SGCZ: variants seen among roughly 807,000 people sequenced by gnomAD.
SGCZ encodes the protein zeta-sarcoglycan.
In SGCZ, 40 loss-of-function variants were observed where a neutral mutation model predicts 41.3. The observed-to-expected ratio is 0.97, with a 90% CI of 0.75 to 1.26. SGCZ has a LOEUF of 1.26. Among genes scored for constraint, SGCZ ranks in the 50% most tolerant of loss-of-function variants. The pLI is 0.00. For missense variants in SGCZ, 552 were observed against 369.8 expected, an observed-to-expected ratio of 1.49 and a Z score of -4.04; for synonymous variants, 206 against 137.5, an observed-to-expected ratio of 1.50 and a Z score of -3.49.
At chr8:14,169,474 C>T (rs1273813949) in intron 4 of SGCZ, among the ~76,000 whole-genome samples, 1 of 151,996 alleles carries the variant, frequency 6.6e-6, no homozygotes, top group African/African-American at 2.4e-5. Context: ...GATTTTTTAC[C>T]TTACTTGATC....
intron 1 of SGCZ, among the ~76,000 whole-genome samples, chr8:14,833,263 A>T (rs1036912258): frequency 1.3e-5 from 2 of 152,192 alleles, no homozygotes; most frequent in Non-Finnish European, 2.9e-5. Flanking sequence ...CAGAGATGAC[A>T]AATTCAAGCA....
At chr8:14,122,791 A>G (rs1027653260) in intron 5 of SGCZ, among the ~76,000 whole-genome samples, 1 of 151,426 alleles carries the variant, frequency 6.6e-6, no homozygotes, top group African/African-American at 2.4e-5. Context: ...TAGAAACTCA[A>G]ATATACTGTT....
intron 1 of SGCZ, among the ~76,000 whole-genome samples, chr8:14,556,661 T>C (rs976559477): frequency 1.3e-5 from 2 of 152,074 alleles, no homozygotes; most frequent in African/African-American, 4.8e-5. Context: ...ACAGCTTAGC[T>C]CCCACTTATG....
At chr8:14,861,629 A>T (rs1358931422) in intron 1 of SGCZ, among the ~76,000 whole-genome samples, 1 of 152,108 alleles carries the variant, frequency 6.6e-6, no homozygotes. Context: ...CCTGAGAGAG[A>T]TTCCGTAAAA....
At chr8:14,736,751 T>C (rs1337805447) in intron 1 of SGCZ, among the ~76,000 whole-genome samples, 1 of 152,144 alleles carries the variant, frequency 6.6e-6, no homozygotes, top group Non-Finnish European at 1.5e-5. Context: ...CCTGAGTTAC[T>C]TCACCTAGAA....
intron 1 of SGCZ, among the ~76,000 whole-genome samples, chr8:14,757,293 T>C (rs985587810): frequency 6.6e-6 from 1 of 152,102 alleles, no homozygotes; most frequent in Non-Finnish European, 1.5e-5. Flanking sequence ...AGGTGATCCA[T>C]CCGCCTCAGC....
chr8:14,642,842 A>T lies in SGCZ; in HGVS notation c.40-87916T>A, dbSNP rs192414139. ...GAAACACAGCATGATTTCTCAATTT[A>T]AAAAAGTATTGGAAAGCATAGGGCA... On this transcript the variant is annotated intron_variant, in intron 1 of 7. Transcript: ENST00000382080. Among the ~76,000 whole-genome samples the T allele has an allele frequency of 6.2e-3, 947 of 151,662 alleles. 8 individuals are homozygous for T. Among genetic ancestry groups the T allele is most frequent in the African/African-American group, 0.022 (905 of 41,478 alleles).
intron 1 of SGCZ, among the ~76,000 whole-genome samples, chr8:14,689,215 T>C (rs1020974160): frequency 6.6e-6 from 1 of 152,122 alleles, no homozygotes; most frequent in African/African-American, 2.4e-5. Context: ...ATTTTAATTG[T>C]TTATTTTAAA....
Position 14,604,378 on chromosome 8 carries a change from C to T in SGCZ, c.40-49452G>A, listed in dbSNP as rs114665755. Among the ~76,000 whole-genome samples, 786 of 152,172 alleles carry T rather than the reference C, an allele frequency of 5.2e-3. 6 individuals are homozygous for T. The highest frequency in any genetic ancestry group is 0.018 in the African/African-American group (739 of 41,530). The stretch of plus-strand genomic sequence containing the variant: ...TGCCAAGATCAATTATTGATGTCTG[C>T]CATGGGCATATAGGAGAATGGGGTG... On this transcript the variant is annotated intron_variant, in intron 1 of 7. Transcript: ENST00000382080.
chr8:15,125,933 G>A (rs1807662175), intron 1 of SGCZ, among the ~76,000 whole-genome samples: 2 of 152,146 alleles, frequency 1.3e-5, no homozygotes, highest in African/African-American at 2.4e-5. Flanking sequence ...ATCACCTGAG[G>A]TCAGGAGTTT....
At chr8:14,385,859 A>G (rs555178664) in intron 2 of SGCZ, among the ~76,000 whole-genome samples, 1 of 152,276 alleles carries the variant, frequency 6.6e-6, no homozygotes, top group East Asian at 1.9e-4. Flanking sequence ...ATCCTCCAGA[A>G]TATCAAAATT....
At chr8:14,287,367 A>G (rs753152641) in intron 3 of SGCZ, among the ~76,000 whole-genome samples, 1 of 151,982 alleles carries the variant, frequency 6.6e-6, no homozygotes, top group Non-Finnish European at 1.5e-5. Flanking sequence ...ACAACCCTCT[A>G]TTTGACTTTG....
chr8:14,229,053 G>A (rs1806471341), intron 4 of SGCZ, among the ~76,000 whole-genome samples: 1 of 152,084 alleles, frequency 6.6e-6, no homozygotes, highest in Non-Finnish European at 1.5e-5. Flanking sequence ...GAAGGAGCAA[G>A]CCAGCAAAGG....
intron 1 of SGCZ, among the ~76,000 whole-genome samples, chr8:15,107,510 T>C (rs780991651): frequency 3.1e-4 from 47 of 152,164 alleles, no homozygotes; most frequent in Non-Finnish European, 1.0e-4. Context: ...AAAGGTCTCC[T>C]TGTCTCCGTA....
rs185612342 is a variant in SGCZ at position 14,454,772 on chromosome 8, C to T, written c.234+99960G>A. Among the ~76,000 whole-genome samples the T allele has an allele frequency of 1.9e-3, 287 of 152,228 alleles. 1 individual carries two copies. Among genetic ancestry groups the T allele is most frequent in the African/African-American group, 6.6e-3 (276 of 41,534 alleles). On this transcript the variant is annotated intron_variant, in intron 2 of 7. Coordinates refer to ENST00000382080, the MANE Select transcript of SGCZ (RefSeq NM_139167.4). ...ATAAAGGATAAGTGACATTTCAAAT[C>T]ACTAACATAAAGAGGAGCTTTTAAC... is the stretch of plus-strand genomic sequence containing the variant.
chr8:14,241,513 T>A (rs1798890145), intron 3 of SGCZ, among the ~76,000 whole-genome samples: 1 of 148,018 alleles, frequency 6.8e-6, no homozygotes, highest in South Asian at 2.1e-4. Context: ...ATATATATAA[T>A]ATATAGCATG....
chr8:14,379,709 T>C (rs1804287672), intron 2 of SGCZ, among the ~76,000 whole-genome samples: 2 of 151,986 alleles, frequency 1.3e-5, no homozygotes, highest in Admixed American at 1.3e-4. Flanking sequence ...GCTCCTACCC[T>C]ACAATATATT....
chr8:14,767,419 C>A (rs1417604518), intron 1 of SGCZ, among the ~76,000 whole-genome samples: 1 of 152,172 alleles, frequency 6.6e-6, no homozygotes, highest in Non-Finnish European at 1.5e-5. Context: ...AGAAATCTAT[C>A]ATTACTGGAG....
chr8:14,406,903 G>T (rs1370947884), intron 2 of SGCZ, among the ~76,000 whole-genome samples: 1 of 152,088 alleles, frequency 6.6e-6, no homozygotes, highest in African/African-American at 2.4e-5. Context: ...GCTGTATACT[G>T]CTACTTCAAT....
Sources: allele counts gnomAD v4.1 joint callset (sites outside exome capture counted in the v4.1 genomes callset), GRCh38; gene constraint gnomAD v4.1.1; transcripts MANE v1.5; gene names NCBI Gene and HGNC (gene_info 2026-07-23, HGNC 2026-07-21).